Variants in IGFN1 observed in about 807,000 individuals in gnomAD.
IGFN1 encodes immunoglobulin like and fibronectin type III domain containing 1.
A neutral mutation model predicts 289.5 loss-of-function variants in IGFN1; 253 were observed. That is an observed-to-expected ratio of 0.87 (90% CI 0.79 to 0.97). The LOEUF is 0.97. IGFN1 is among the 50% of genes least tolerant of loss of function. The probability of loss-of-function intolerance (pLI) is 0.00; values close to 1 mark genes in which losing one functional copy is unlikely to be tolerated. For synonymous variants in IGFN1, 1,706 were observed against 1,788.5 expected (o/e 0.95, Z 1.16); for missense variants, 4,470 against 4,686.1 (o/e 0.95, Z 1.35).
At position 201,200,388 on chromosome 1, in the gene IGFN1, G is replaced by C. The variant is rs894206679; in HGVS notation, c.610G>C (p.Glu204Gln). ...GCGCAGGCTGCAGGAGATGAAGAAG[G>C]AACAGGAGGACAAGATGGCACAGGT... ...MLRRLQEMKKEQEDKMAQYIN... is the reference protein window; with the variant it reads ...MLRRLQEMKKQQEDKMAQYIN... The change falls in exon 8 of 24, where the codon GAA becomes CAA. Residue 204 changes from glutamate to glutamine, a missense_variant. Coordinates refer to ENST00000335211, the MANE Select transcript of IGFN1 (RefSeq NM_001164586.2). 6 of 1,551,674 alleles carry C rather than the reference G, an allele frequency of 3.9e-6. No homozygotes were observed. Among genetic ancestry groups the C allele is most frequent in the Non-Finnish European group, 5.2e-6 (6 of 1,146,994 alleles).
rs1260613220 is a variant in IGFN1 at position 201,212,916 on chromosome 1, G to T, written c.8023G>T (p.Glu2675Ter). The T allele has an allele frequency of 6.4e-7, 1 of 1,551,536 alleles. No individual in the cohort carries two copies. Among genetic ancestry groups the T allele is most frequent in the Admixed American group, 2.0e-5 (1 of 51,004 alleles). Residue 2675 changes from glutamate to a stop codon, truncating the protein, a stop_gained, in exon 12 of 24, where the codon GAG (glutamate) becomes TAG (stop). Transcript: ENST00000335211. LOFTEE classifies it high-confidence loss of function. ...AGGGCCAGGGGGCTTTAAGGGTGGG[G>T]AGGGTGCACCAGGCCAAGAGGCGGC... ...HEGPGGFKGGEGAPGQEAAGG... is the reference protein window; with the variant it reads ...HEGPGGFKGG
chr1:201,228,293 C>T, intron 23 of IGFN1, 93 bp from the exon 24 acceptor site: 1 of 1,279,452 alleles, frequency 7.8e-7, no homozygotes, highest in East Asian at 2.3e-5. Context: ...AGCCTGTAGT[C>T]TAAGCCCCAT....
chr1:201,215,931 T>G, intron 15 of IGFN1, 93 bp downstream of exon 15: 2 of 1,222,860 alleles, frequency 1.6e-6, no homozygotes, highest in Non-Finnish European at 2.4e-6. Flanking sequence ...ATATGATCTC[T>G]GCTGGCTCTG....
chr1:201,202,608 T>C (rs1558137331), intron 9 of IGFN1, among the ~76,000 whole-genome samples: 4 of 152,172 alleles, frequency 2.6e-5, no homozygotes, highest in African/African-American at 9.7e-5. Flanking sequence ...GATTCCACTA[T>C]GTCCCTCCAG....
In IGFN1 at chr1:201,228,540, T is replaced by C; in HGVS notation, c.*141T>C. The C allele has an allele frequency of 1.1e-6, 1 of 926,970 alleles. No individual in the cohort carries two copies. The highest frequency in any genetic ancestry group is 1.3e-5 in the South Asian group (1 of 74,262). The allele number at this position is 926,970 out of a possible 1,614,324, so 57.4% of individuals were successfully genotyped here. A position where few individuals can be genotyped will look rare whatever the true frequency, so the allele number is the denominator to read the frequency against. The stretch of plus-strand genomic sequence containing the variant: ...GAGTGAGAAGATGCCTGGCGAGGTT[T>C]TGGCCAGGAGGACGTGAAGTCCTTG... On this transcript the variant is annotated 3_prime_UTR_variant, in exon 24 of 24. Transcript: ENST00000335211.
At chr1:201,214,926 A>G (rs1243700015) in intron 13 of IGFN1, 87 bp from the exon 14 acceptor site, 4 of 1,381,860 alleles carry the variant, frequency 2.9e-6, no homozygotes, top group Non-Finnish European at 4.0e-6. Context: ...TCAGGATCCC[A>G]GCATCAGTAA....
At position 201,211,622 on chromosome 1, in the gene IGFN1, G is replaced by A. The variant is rs1451396267; in HGVS notation, c.6729G>A (p.Gly2243=). ...GTTTAGGGAGTTCTGGGGAAATGGGGTCAATGGATGAGGCAGATTATAGGA... is the reference window on the plus strand; with the variant it reads ...GTTTAGGGAGTTCTGGGGAAATGGGATCAATGGATGAGGCAGATTATAGGA... The part of the protein sequence containing the change: ...RDGLGSSGEM[G]SMDEADYRKD... Residue 2243 remains glycine, a synonymous_variant, in exon 12 of 24, where the codon GGG becomes GGA. Coordinates refer to ENST00000335211, the MANE Select transcript of IGFN1 (RefSeq NM_001164586.2). 2.0e-6 allele frequency: 3 copies of A among 1,535,584 alleles called. No homozygotes were observed. The highest frequency in any genetic ancestry group is 2.6e-6 in the Non-Finnish European group (3 of 1,146,270).
rs759772410 is a variant in IGFN1, at chr1:201,208,015, A to G, written c.3122A>G (p.Asn1041Ser). The change falls in exon 12 of 24, where the codon AAT (asparagine) becomes AGT (serine). Residue 1041 changes from asparagine (N) to serine (S), a missense_variant. This residue lies in a region of IGFN1 where 2,011 missense variants were observed against 1,953.4 expected (regional missense o/e 1.03). Coordinates refer to ENST00000335211, the MANE Select transcript of IGFN1 (RefSeq NM_001164586.2). ...GGSGRVASLK[N>S]GSGGPDGAPM... Reference sequence around the variant, plus strand: ...TCTGGGAGAGTTGCCAGTCTTAAAAATGGCTCAGGTGGTCCTGATGGAGCA... The same window carrying G: ...TCTGGGAGAGTTGCCAGTCTTAAAAGTGGCTCAGGTGGTCCTGATGGAGCA... The G allele has an allele frequency of 1.1e-5, 17 of 1,536,936 alleles. No individual in the cohort carries two copies. In the South Asian group the frequency reaches 1.9e-4, roughly 17 times the overall value.
In IGFN1 at chr1:201,205,329, T is replaced by G. The variant is rs1667363492; in HGVS notation, c.1164T>G (p.Thr388=). 4 of 1,541,884 alleles carry G rather than the reference T, an allele frequency of 2.6e-6. No individual in the cohort carries two copies. The highest frequency in any genetic ancestry group is 3.5e-6 in the Non-Finnish European group (4 of 1,140,096). ...GPYSLGTGLY[T]SSAWLVVEAG... ...ATTCGCTGGGCACCGGGCTCTACAC[T>G]TCCAGCGCCTGGCTGGTGGTTGAAG... The change falls in exon 11 of 24, where the codon ACT becomes ACG. Residue 388 remains threonine (T), a synonymous_variant. Transcript: ENST00000335211.
intron 18 of IGFN1, among the ~76,000 whole-genome samples, chr1:201,220,514 G>C (rs1653662015): frequency 1.3e-5 from 2 of 152,216 alleles, no homozygotes; most frequent in South Asian, 4.1e-4. Context: ...GGGAAGTAGA[G>C]ACAATAGATA....
At chr1:201,193,415 G>A (rs1039287301) in intron 2 of IGFN1, 115 bp downstream of exon 2, 2 of 703,366 alleles carry the variant, frequency 2.8e-6, no homozygotes, top group Non-Finnish European at 4.8e-6. Context: ...TCTTGTTGTT[G>A]TTTTTTTTCT....
rs4915493 is a variant in IGFN1, at chr1:201,195,427, C to T, written c.128-412C>T. On this transcript the variant is annotated intron_variant, in intron 3 of 23. Coordinates refer to ENST00000335211, the MANE Select transcript of IGFN1 (RefSeq NM_001164586.2). ...TTGGCCTCCCAAAGTGCTGGGATTA[C>T]ATGCGTGAGCCCCTGCGCCTGCCCG... 2.0e-3 allele frequency among the ~76,000 whole-genome samples: 308 copies of T among 152,324 alleles called. 3 individuals carry two copies. In the East Asian group the frequency reaches 0.034, roughly 17 times the overall value.
intron 1 of IGFN1, among the ~76,000 whole-genome samples, chr1:201,192,728 TCA>T (rs1666711954): frequency 1.3e-5 from 2 of 152,264 alleles, no homozygotes; most frequent in Admixed American, 6.5e-5. Context: ...CCAGAAAATC[TCA>T]GAGTTGGGGG....
chr1:201,223,515 C>T (rs757927013), intron 20 of IGFN1, among the ~76,000 whole-genome samples: 28 of 152,040 alleles, frequency 1.8e-4, no homozygotes, highest in Non-Finnish European at 3.5e-4. Flanking sequence ...GGATTACAGG[C>T]GCATGCCATC....
Position 201,228,715 on chromosome 1 carries a change from G to A in IGFN1, c.*316G>A, listed in dbSNP as rs1192684675. The stretch of plus-strand genomic sequence containing the variant: ...CCAGAGGGCACCTGCCTGCAGGATG[G>A]GCCGGCTCCTTATTTTCCTGGGCTG... On this transcript the variant is annotated 3_prime_UTR_variant, in exon 24 of 24. Transcript: ENST00000335211. 4 of 414,936 alleles carry A rather than the reference G, an allele frequency of 9.6e-6. No individual in the cohort carries two copies. Among genetic ancestry groups the A allele is most frequent in the Non-Finnish European group, 1.8e-5 (4 of 226,574 alleles). 25.7% of individuals were successfully genotyped at this position (414,936 alleles called of 1,614,324 possible). A position where few individuals can be genotyped will look rare whatever the true frequency, so the allele number is the denominator to read the frequency against.
rs1394341396 is a variant in IGFN1, at chr1:201,221,676, A to AGCAGTTAATG, written c.10132_10141dup (p.Glu3381GlyfsTer3). On this transcript the variant is annotated frameshift_variant, in exon 19 of 24. Coordinates refer to ENST00000335211, the MANE Select transcript of IGFN1 (RefSeq NM_001164586.2). LOFTEE classifies it high-confidence loss of function. ...GAGAGGGCTACTTCGTGCGGGTGAC[A>AGCAGTTAATG]GCAGTTAATGAAGGAGGCCAGAGCC... is the stretch of plus-strand genomic sequence containing the variant. 6.2e-7 allele frequency: 1 copy of AGCAGTTAATG among 1,613,910 alleles called. No homozygotes were observed. Among genetic ancestry groups the AGCAGTTAATG allele is most frequent in the Admixed American group, 1.7e-5 (1 of 59,986 alleles).
In IGFN1 at chr1:201,210,902, G is replaced by C; in HGVS notation, c.6009G>C (p.Gly2003=). 1 of 1,527,978 alleles carries C rather than the reference G, an allele frequency of 6.5e-7. No homozygotes were observed. 94.7% of individuals were successfully genotyped at this position (1,527,978 alleles called of 1,614,324 possible). A position where few individuals can be genotyped will look rare whatever the true frequency, so the allele number is the denominator to read the frequency against. ...MDEAGYRKDL[G]APEGIGSGSK... is the part of the protein sequence containing the mutation. The stretch of plus-strand genomic sequence containing the variant: ...AGGCAGGTTATAGGAAGGATTTGGG[G>C]GCTCCTGAGGGAATAGGTTCAGGGA... The change falls in exon 12 of 24, where the codon GGG becomes GGC. Residue 2003 remains glycine (G), a synonymous_variant. Transcript: ENST00000335211.
At chr1:201,195,286 G>A (rs1023472514) in intron 3 of IGFN1, among the ~76,000 whole-genome samples, 1 of 151,968 alleles carries the variant, frequency 6.6e-6, no homozygotes, top group African/African-American at 2.4e-5. Flanking sequence ...CAAGTAGCTG[G>A]GATTACAGGC....
rs540318145 is a variant in IGFN1 at position 201,200,532 on chromosome 1, C to T, written c.633+121C>T. On this transcript the variant is annotated intron_variant, in intron 8 of 23. Transcript: ENST00000335211. ...TAGGAAACCAAGTATGATCAAGGGG[C>T]CTGTCTCCATCTAGTCCCCAGTGGG... 66 of 782,562 alleles carry T rather than the reference C, an allele frequency of 8.4e-5. No homozygotes were observed. The African/African-American group carries it at 9.5e-4, about 11-fold the overall frequency. 48.5% of individuals were successfully genotyped at this position (782,562 alleles called of 1,614,324 possible). A position where few individuals can be genotyped will look rare whatever the true frequency, so the allele number is the denominator to read the frequency against.
Sources: allele counts gnomAD v4.1 joint callset (sites outside exome capture counted in the v4.1 genomes callset), GRCh38; gene constraint gnomAD v4.1.1; regional missense constraint gnomAD v4.1.1; transcripts MANE v1.5; gene names NCBI Gene and HGNC (gene_info 2026-07-23, HGNC 2026-07-21).